Variants in RCOR3 observed in about 807,000 individuals in gnomAD.
The protein encoded by RCOR3 is REST corepressor 3.
Under a neutral mutation model 64.1 loss-of-function variants are expected in RCOR3, and 13 were observed. The observed-to-expected ratio is 0.20, with a 90% CI of 0.13 to 0.32. RCOR3 has a LOEUF of 0.32. RCOR3 is among the 10% of genes least tolerant of loss of function. The pLI, the probability that RCOR3 is intolerant of heterozygous loss-of-function variation, is 1.00. For synonymous variants in RCOR3, 215 were observed against 239.0 expected, an observed-to-expected ratio of 0.90 and a Z score of 0.93; for missense variants, 489 against 701.2, an observed-to-expected ratio of 0.70 and a Z score of 3.42.
intron 7 of RCOR3, among the ~76,000 whole-genome samples, chr1:211,286,767 T>A (rs2102556163): frequency 6.6e-6 from 1 of 152,334 alleles, no homozygotes; most frequent in East Asian, 1.9e-4. Flanking sequence ...TATATACTAG[T>A]TTTGTGCACG....
chr1:211,260,457 C>T (rs1190895050), intron 2 of RCOR3, among the ~76,000 whole-genome samples: 33 of 152,218 alleles, frequency 2.2e-4, no homozygotes, highest in Admixed American at 2.1e-3. Context: ...GGAGACGGCC[C>T]TTGGCGGAGT....
intron 3 of RCOR3, among the ~76,000 whole-genome samples, chr1:211,272,900 C>T (rs1342563972): frequency 2.6e-5 from 4 of 151,912 alleles, no homozygotes; most frequent in African/African-American, 7.3e-5. Context: ...GGATTACAGG[C>T]GTGAGCCACC....
chr1:211,278,296 T>G, intron 6 of RCOR3, 55 bp downstream of exon 6: 6 of 1,568,458 alleles, frequency 3.8e-6, no homozygotes, highest in Non-Finnish European at 5.2e-6. Context: ...ATTGTATTGC[T>G]TACATTTCCT....
At chr1:211,273,029 T>C (rs1696459029) in intron 3 of RCOR3, among the ~76,000 whole-genome samples, 1 of 152,218 alleles carries the variant, frequency 6.6e-6, no homozygotes, top group African/African-American at 2.4e-5. Context: ...CTGTCATGTA[T>C]TTAAGTGCTT....
chr1:211,275,135 A>T (rs1415906193), intron 4 of RCOR3, among the ~76,000 whole-genome samples: 1 of 151,886 alleles, frequency 6.6e-6, no homozygotes, highest in Non-Finnish European at 1.5e-5. Flanking sequence ...AGAGATCTTA[A>T]ATCTCATTTC....
At position 211,313,273 on chromosome 1, in the gene RCOR3, TA is replaced by T. The variant is rs1701674607; in HGVS notation, c.1318-147del. 1.4e-6 allele frequency: 2 copies of T among 1,434,554 alleles called. No homozygotes were observed. Among genetic ancestry groups the T allele is most frequent in the Admixed American group, 5.9e-5 (2 of 33,780 alleles). 88.9% of individuals were successfully genotyped at this position (1,434,554 alleles called of 1,614,324 possible). A position where few individuals can be genotyped will look rare whatever the true frequency, so the allele number is the denominator to read the frequency against. On this transcript the variant is annotated intron_variant, in intron 11 of 11. Transcript: ENST00000419091. This position sits in a 1 kb window ranked among gnomAD's most constrained non-coding sequence, Gnocchi z 4.7. ...GTTTTTGGTTTTGTTTTGTTTAAAATAAAAGAAGCTTGTGCTTCCAATAAAC... is the reference window on the plus strand; with the variant it reads ...GTTTTTGGTTTTGTTTTGTTTAAAATAAAGAAGCTTGTGCTTCCAATAAAC...
At chr1:211,278,960 G>A (rs1028779151) in intron 6 of RCOR3, among the ~76,000 whole-genome samples, 2 of 152,132 alleles carry the variant, frequency 1.3e-5, no homozygotes, top group African/African-American at 4.8e-5. Context: ...AGGCTGAGGC[G>A]GGCAGATCAC....
intron 4 of RCOR3, among the ~76,000 whole-genome samples, chr1:211,275,363 T>A (rs1466761163): frequency 6.6e-6 from 1 of 152,040 alleles, no homozygotes; most frequent in Non-Finnish European, 1.5e-5. Flanking sequence ...AGCCTTTGAT[T>A]GCCTATTTTG....
At chr1:211,266,861 A>G (rs1368863693) in intron 2 of RCOR3, among the ~76,000 whole-genome samples, 3 of 152,222 alleles carry the variant, frequency 2.0e-5, no homozygotes, top group Admixed American at 2.0e-4. Context: ...CTCCTGTTTT[A>G]TAGGAAAGGA....
rs995638991 is a variant in RCOR3 at position 211,259,440 on chromosome 1, T to TCCGCCG, written c.-111_-106dup. 6.0e-6 allele frequency: 6 copies of TCCGCCG among 993,882 alleles called. No individual in the cohort carries two copies. The highest frequency in any genetic ancestry group is 1.7e-5 in the South Asian group (1 of 59,512). The allele number at this position is 993,882 out of a possible 1,614,324, so 61.6% of individuals were successfully genotyped here. A position where few individuals can be genotyped will look rare whatever the true frequency, so the allele number is the denominator to read the frequency against. ...CTCCATATTAACAGCCTCCTCCTCC[T>TCCGCCG]CCGCCGCCGCCGCCGTCTCCTCCTC... On this transcript the variant is annotated 5_prime_UTR_variant, in exon 1 of 12. Transcript: ENST00000419091.
chr1:211,289,471 G>T, intron 8 of RCOR3, 75 bp downstream of exon 8: 3 of 1,218,414 alleles, frequency 2.5e-6, no homozygotes, highest in Non-Finnish European at 3.5e-6. Flanking sequence ...CCTAGGTTGA[G>T]CTCAGTTGTT....
intron 1 of RCOR3, 38 bp downstream of exon 1, chr1:211,259,764 C>CCCCCT: frequency 1.5e-6 from 2 of 1,359,260 alleles, no homozygotes; most frequent in Non-Finnish European, 1.9e-6. Context: ...GCCCGCCTGC[C>CCCCCT]CCCCTCCCTC....
chr1:211,293,559 C>T (rs1699500681), intron 8 of RCOR3, among the ~76,000 whole-genome samples: 1 of 152,186 alleles, frequency 6.6e-6, no homozygotes. Context: ...TCTTCCCCAC[C>T]ACCTGTTCAT....
intron 2 of RCOR3, among the ~76,000 whole-genome samples, chr1:211,266,360 T>C (rs1438221172): frequency 1.3e-5 from 2 of 152,178 alleles, no homozygotes; most frequent in East Asian, 1.9e-4. Context: ...AATCCTAGTT[T>C]ATCGAATTAT....
rs1479113670 is a variant in RCOR3 at position 211,293,850 on chromosome 1, AG to A, written c.940-1820del. Among the ~76,000 whole-genome samples, 9 of 152,292 alleles carry A rather than the reference AG, an allele frequency of 5.9e-5. No individual in the cohort carries two copies. In the East Asian group the frequency reaches 1.7e-3, roughly 29 times the overall value. ...TTATAAGTATTTCGTTGTCCACACT[AG>A]GGGGGAAAAACAGAGGAAAAAAGTA... On this transcript the variant is annotated intron_variant, in intron 8 of 11. Coordinates refer to ENST00000419091, the MANE Select transcript of RCOR3 (RefSeq NM_001136223.3).
In RCOR3 at chr1:211,312,105, T is replaced by C. The variant is rs1396397421; in HGVS notation, c.1076-615T>C. On this transcript the variant is annotated intron_variant, in intron 10 of 11. Coordinates refer to ENST00000419091, the MANE Select transcript of RCOR3 (RefSeq NM_001136223.3). The surrounding 1 kb of genome is among the most constrained non-coding windows in gnomAD (Gnocchi z 5.0). ...CAACTGACTCTGAAAAAAAATCTTC[T>C]CTTTTTTCAAAATCCACCAACTTGT... The C allele has an allele frequency of 4.6e-6, 1 of 215,558 alleles. No individual in the cohort carries two copies. Among genetic ancestry groups the C allele is most frequent in the Non-Finnish European group, 9.9e-6 (1 of 101,224 alleles). 13.4% of individuals were successfully genotyped at this position (215,558 alleles called of 1,614,324 possible). A position where few individuals can be genotyped will look rare whatever the true frequency, so the allele number is the denominator to read the frequency against.
intron 1 of RCOR3, 162 bp downstream of exon 1, chr1:211,259,888 C>T: frequency 2.9e-6 from 3 of 1,034,064 alleles, no homozygotes; most frequent in Non-Finnish European, 4.0e-6. Context: ...CCCCGCGACC[C>T]CCCGTCCCTC....
At chr1:211,304,669 G>C (rs1364987925) in intron 10 of RCOR3, among the ~76,000 whole-genome samples, 2 of 152,158 alleles carry the variant, frequency 1.3e-5, no homozygotes, top group African/African-American at 4.8e-5. Flanking sequence ...TTTTAAAGGA[G>C]ACTTAAGAGC....
At chr1:211,267,365 C>T (rs1179163192) in intron 2 of RCOR3, among the ~76,000 whole-genome samples, 1 of 152,142 alleles carries the variant, frequency 6.6e-6, no homozygotes, top group Non-Finnish European at 1.5e-5. Flanking sequence ...TCTCTTGGGC[C>T]TAGTTGACAC....
Sources: gnomAD v4.1 joint callset for allele counts (sites outside exome capture counted in the v4.1 genomes callset) on GRCh38, gnomAD v4.1.1 for gene constraint, Gnocchi (gnomAD v3.1) non-coding constraint, MANE v1.5 for transcripts, NCBI Gene and HGNC (gene_info 2026-07-23, HGNC 2026-07-21) for gene names.